Variants in TNFAIP8 observed in about 807,000 individuals in gnomAD.
TNFAIP8 encodes TNF alpha induced protein 8.
TNFAIP8 carries 7 observed loss-of-function variants against 13.3 expected under a neutral mutation model. That is an observed-to-expected ratio of 0.52 (90% CI 0.30 to 0.99). The LOEUF is 0.99. Among genes scored for constraint, TNFAIP8 ranks in the 50% least tolerant of loss-of-function variants. The pLI is 0.07. For missense variants in TNFAIP8, 258 were observed against 236.9 expected (o/e 1.09, Z -0.58); for synonymous variants, 94 against 87.6 (o/e 1.07, Z -0.41).
At chr5:119,294,072 T>C (rs1317827590) in intron 1 of TNFAIP8, among the ~76,000 whole-genome samples, 2 of 152,062 alleles carry the variant, frequency 1.3e-5, no homozygotes, top group African/African-American at 2.4e-5. Context: ...ATACTTTAAG[T>C]TTTAGGGTAC....
At chr5:119,346,412 ACT>A (rs1750903583) in intron 1 of TNFAIP8, among the ~76,000 whole-genome samples, 1 of 152,116 alleles carries the variant, frequency 6.6e-6, no homozygotes, top group African/African-American at 2.4e-5. Flanking sequence ...TCTCTACAGT[ACT>A]CTCCACTGAT....
intron 1 of TNFAIP8, chr5:119,391,294 C>G (rs1009414440): frequency 1.5e-6 from 1 of 682,664 alleles, no homozygotes; most frequent in African/African-American, 1.8e-5. Flanking sequence ...GATGCCTTGA[C>G]TCATTTGTAT....
At chr5:119,282,303 A>T (rs1340199932) in intron 1 of TNFAIP8, among the ~76,000 whole-genome samples, 1 of 152,160 alleles carries the variant, frequency 6.6e-6, no homozygotes, top group Non-Finnish European at 1.5e-5. Flanking sequence ...CTAAATATAT[A>T]TTTGTTTATG....
At chr5:119,290,936 T>C (rs891393926) in intron 1 of TNFAIP8, among the ~76,000 whole-genome samples, 1 of 152,136 alleles carries the variant, frequency 6.6e-6, no homozygotes, top group African/African-American at 2.4e-5. Flanking sequence ...TGTAGGGTCT[T>C]GCATGCCAAG....
chr5:119,391,901 G>A (rs1043048385), intron 1 of TNFAIP8, among the ~76,000 whole-genome samples: 4 of 152,068 alleles, frequency 2.6e-5, no homozygotes, highest in Admixed American at 1.3e-4. Context: ...TACATATAGT[G>A]TCTGTTTAAT....
intron 1 of TNFAIP8, among the ~76,000 whole-genome samples, chr5:119,392,412 A>T (rs1028756033): frequency 6.6e-6 from 1 of 151,658 alleles, no homozygotes; most frequent in Non-Finnish European, 1.5e-5. Flanking sequence ...TTGTTTTGAG[A>T]CAGAGTCTCG....
chr5:119,355,485 G>A (rs1751355418), upstream of TNFAIP8: 2 of 617,320 alleles, frequency 3.2e-6, no homozygotes, highest in Non-Finnish European at 5.9e-6. Context: ...CAACCCCATG[G>A]ACGATATCCA....
upstream of TNFAIP8, chr5:119,355,867 G>A (rs963698533): frequency 3.7e-5 from 42 of 1,125,666 alleles, no homozygotes; most frequent in South Asian, 1.1e-3. Context: ...CTCCGGGGGC[G>A]GACTCCCGCC....
At chr5:119,326,238 C>T (rs1750221345) in intron 1 of TNFAIP8, among the ~76,000 whole-genome samples, 1 of 152,170 alleles carries the variant, frequency 6.6e-6, no homozygotes, top group Non-Finnish European at 1.5e-5. Context: ...TGATGGTTAC[C>T]TCTTGGAGCC....
At chr5:119,326,007 G>A (rs567816726) in intron 1 of TNFAIP8, among the ~76,000 whole-genome samples, 8 of 152,266 alleles carry the variant, frequency 5.3e-5, no homozygotes, top group African/African-American at 1.9e-4. Context: ...ATTTATGTAT[G>A]TGCTTACTGG....
At chr5:119,308,098 A>G (rs541016166) in intron 1 of TNFAIP8, among the ~76,000 whole-genome samples, 4 of 152,342 alleles carry the variant, frequency 2.6e-5, no homozygotes, top group African/African-American at 9.6e-5. Context: ...CTTGTGGTGC[A>G]ACATGTGGCA....
At chr5:119,334,540 G>C (rs187728442) in intron 1 of TNFAIP8, among the ~76,000 whole-genome samples, 229 of 151,596 alleles carry the variant, frequency 1.5e-3, no homozygotes, top group Non-Finnish European at 2.8e-3. Context: ...GACTTCTCTT[G>C]TATGGAATGT....
chr5:119,330,541 C>G (rs1750345539), intron 1 of TNFAIP8, among the ~76,000 whole-genome samples: 1 of 152,144 alleles, frequency 6.6e-6, no homozygotes, highest in Admixed American at 6.5e-5. Flanking sequence ...CATGGCCTCT[C>G]CTCTCAGCCC....
chr5:119,323,663 T>C (rs1380842577), intron 1 of TNFAIP8, among the ~76,000 whole-genome samples: 1 of 152,194 alleles, frequency 6.6e-6, no homozygotes, highest in African/African-American at 2.4e-5. Flanking sequence ...AAAAGAAGCA[T>C]GTGGGCTTCT....
upstream of TNFAIP8, chr5:119,355,560 G>A: frequency 1.7e-6 from 1 of 576,082 alleles, no homozygotes; most frequent in South Asian, 2.2e-5. Context: ...TGGGTTGCAA[G>A]ACTCCAAGAC....
chr5:119,320,246 A>T (rs1282937310), intron 1 of TNFAIP8, among the ~76,000 whole-genome samples: 1 of 152,178 alleles, frequency 6.6e-6, no homozygotes, highest in Non-Finnish European at 1.5e-5. Flanking sequence ...GGAATTTCAG[A>T]TTCATTGGTT....
Position 119,268,860 on chromosome 5 carries a change from G to A in TNFAIP8, c.-47G>A, listed in dbSNP as rs112198076. 1.5e-3 allele frequency: 1,022 copies of A among 702,584 alleles called. 1 individual carries two copies. Among genetic ancestry groups the A allele is most frequent in the Non-Finnish European group, 2.1e-3 (802 of 383,066 alleles). The allele number at this position is 702,584 out of a possible 1,614,324, so 43.5% of individuals were successfully genotyped here. On this transcript the variant is annotated 5_prime_UTR_variant, in exon 1 of 2. Transcript: ENST00000274456. ...GCAGAGAACTCGGCGCCGCCAAACA[G>A]CCCAGCTCGCGCTTCAGCGTCCCGG...
At chr5:119,287,430 CAT>C (rs1748835495) in intron 1 of TNFAIP8, among the ~76,000 whole-genome samples, 1 of 152,090 alleles carries the variant, frequency 6.6e-6, no homozygotes, top group South Asian at 2.1e-4. Flanking sequence ...CTTCATCACA[CAT>C]AGTTACCGTG....
At chr5:119,366,058 G>A (rs1420685743) in intron 1 of TNFAIP8, among the ~76,000 whole-genome samples, 1 of 151,892 alleles carries the variant, frequency 6.6e-6, no homozygotes, top group East Asian at 1.9e-4. Context: ...CAACAGGGTG[G>A]GTGGGATCCA....
Sources: allele counts gnomAD v4.1 joint callset (sites outside exome capture counted in the v4.1 genomes callset), GRCh38; gene constraint gnomAD v4.1.1; transcripts MANE v1.5; gene names NCBI Gene and HGNC (gene_info 2026-07-23, HGNC 2026-07-21).